The following QTGAL variants were observed in gnomAD, a reference collection of about 807,000 sequenced individuals.
The protein encoded by QTGAL is BGnT-like protein 1.
the QTGAL span, chr17:82,957,326 G>A: frequency 2.5e-6 from 4 of 1,613,766 alleles, no homozygotes; most frequent in Admixed American, 6.7e-5. Context: ...CGGGGGCAGG[G>A]CAGGCAGTGT....
chr17:82,964,467 T>C, the QTGAL span, among the ~76,000 whole-genome samples: 1 of 152,088 alleles, frequency 6.6e-6, no homozygotes, highest in Non-Finnish European at 1.5e-5. Context: ...CAAAAAACAA[T>C]AGACATAGCT....
chr17:83,021,060 TATGATACTTTA>T, the QTGAL span, among the ~76,000 whole-genome samples: 2 of 152,246 alleles, frequency 1.3e-5, no homozygotes, highest in African/African-American at 4.8e-5. Context: ...ATATTTGCTT[TATGATACTTTA>T]ATGATACTTT....
chr17:83,018,048 G>A, the QTGAL span, among the ~76,000 whole-genome samples: 1 of 145,336 alleles, frequency 6.9e-6, no homozygotes, highest in African/African-American at 2.6e-5. Flanking sequence ...CGTGAACACC[G>A]TGCGCCTGTA....
chr17:82,956,815 TC>T, the QTGAL span: 1 of 1,549,900 alleles, frequency 6.5e-7, no homozygotes, highest in Admixed American at 2.0e-5. The surrounding 1 kb of genome is among the most constrained non-coding windows in gnomAD (Gnocchi z 5.7). Flanking sequence ...CTGGAGCTTG[TC>T]CCCGGAGAGA....
chr17:82,983,947 G>A, the QTGAL span, among the ~76,000 whole-genome samples: 1 of 152,148 alleles, frequency 6.6e-6, no homozygotes, highest in Non-Finnish European at 1.5e-5. Flanking sequence ...TGAGCACACA[G>A]GGAGAGGCCA....
chr17:82,984,095 G>A, the QTGAL span, among the ~76,000 whole-genome samples: 1 of 139,028 alleles, frequency 7.2e-6, no homozygotes. Flanking sequence ...TGAGCACACG[G>A]GGGAGAGATC....
At chr17:82,974,666 C>T in the QTGAL span, among the ~76,000 whole-genome samples, 15 of 152,186 alleles carry the variant, frequency 9.9e-5, no homozygotes, top group Non-Finnish European at 1.6e-4. Context: ...ATTCACCCCC[C>T]ACAGCGGGTG....
At chr17:83,028,955 G>A in the QTGAL span, among the ~76,000 whole-genome samples, 4 of 152,296 alleles carry the variant, frequency 2.6e-5, no homozygotes, top group South Asian at 2.1e-4. Context: ...ATGACCATCC[G>A]GCTGAGTGGA....
At chr17:83,009,913 G>A in the QTGAL span, among the ~76,000 whole-genome samples, 2 of 148,974 alleles carry the variant, frequency 1.3e-5, no homozygotes, top group Non-Finnish European at 3.0e-5. Context: ...CTGCCTTGGA[G>A]TGAACGACTT....
chr17:82,956,778 G>C, the QTGAL span: 2 of 1,573,822 alleles, frequency 1.3e-6, no homozygotes, highest in African/African-American at 2.7e-5. This position sits in a 1 kb window ranked among gnomAD's most constrained non-coding sequence, Gnocchi z 5.7. Context: ...TCCTGAGAGT[G>C]ACAGTGGCCA....
At chr17:83,044,945 C>CAAAAAAAAAAAAAA in the QTGAL span, among the ~76,000 whole-genome samples, 1 of 131,844 alleles carries the variant, frequency 7.6e-6, no homozygotes, top group African/African-American at 2.9e-5. Flanking sequence ...GACTCTGTCT[C>CAAAAAAAAAAAAAA]AAAAAAAAAA....
At chr17:83,035,109 A>G in the QTGAL span, 1 of 1,608,254 alleles carries the variant, frequency 6.2e-7, no homozygotes, top group Non-Finnish European at 8.5e-7. Context: ...ACTGTGGAAA[A>G]AAGAAGAGCA....
At chr17:82,982,982 T>C in the QTGAL span, among the ~76,000 whole-genome samples, 1 of 152,334 alleles carries the variant, frequency 6.6e-6, no homozygotes, top group Admixed American at 6.5e-5. Context: ...GTGCTATTAA[T>C]ATTTCTGCAA....
the QTGAL span, among the ~76,000 whole-genome samples, chr17:82,969,163 A>G: frequency 6.0e-5 from 9 of 150,666 alleles, no homozygotes; most frequent in South Asian, 1.9e-3. Flanking sequence ...AAGAAAATTT[A>G]TTTTGTTTTG....
chr17:82,956,930 A>C, the QTGAL span: 14 of 1,008,750 alleles, frequency 1.4e-5, no homozygotes. The surrounding 1 kb of genome is among the most constrained non-coding windows in gnomAD (Gnocchi z 5.7). Context: ...TGTTCAGAGC[A>C]GGAACCCGGC....
chr17:83,050,829 T>C, the QTGAL span, among the ~76,000 whole-genome samples: 2 of 147,976 alleles, frequency 1.4e-5, no homozygotes, highest in African/African-American at 5.0e-5. Flanking sequence ...GGTAGGTGTG[T>C]GGGATGCGCA....
At chr17:83,026,236 G>C in the QTGAL span, among the ~76,000 whole-genome samples, 1 of 152,170 alleles carries the variant, frequency 6.6e-6, no homozygotes, top group Non-Finnish European at 1.5e-5. Flanking sequence ...GTGTTCGCAG[G>C]CATCACTCTT....
chr17:83,021,088 A>T, the QTGAL span, among the ~76,000 whole-genome samples: 1 of 152,220 alleles, frequency 6.6e-6, no homozygotes, highest in Non-Finnish European at 1.5e-5. Context: ...CTTTATGGAC[A>T]TCTGTGTTTT....
the QTGAL span, among the ~76,000 whole-genome samples, chr17:82,958,034 C>T: frequency 1.3e-5 from 2 of 152,090 alleles, no homozygotes; most frequent in East Asian, 1.9e-4. Flanking sequence ...CTCTGCCCAG[C>T]GCCCAGCCCC....
Sources: allele counts gnomAD v4.1 joint callset (sites outside exome capture counted in the v4.1 genomes callset), GRCh38; gene constraint gnomAD v4.1.1; non-coding constraint Gnocchi (gnomAD v3.1); transcripts MANE v1.5; gene names NCBI Gene and HGNC (gene_info 2026-07-23, HGNC 2026-07-21).